Variants in KCNJ6 observed in about 807,000 individuals in gnomAD.
The protein encoded by KCNJ6 is G protein-activated inward rectifier potassium channel 2.
KCNJ6 carries 9 observed loss-of-function variants against 34.2 expected under a neutral mutation model. That is an observed-to-expected ratio of 0.26 (90% CI 0.16 to 0.46). The LOEUF (loss-of-function observed/expected upper bound fraction) is 0.46, where lower values mean the gene tolerates loss of function less well. Among genes scored for constraint, KCNJ6 ranks in the 20% least tolerant of loss-of-function variants. The pLI, the probability that KCNJ6 is intolerant of heterozygous loss-of-function variation, is 1.00. For synonymous variants in KCNJ6, 196 were observed against 207.1 expected (o/e 0.95, Z 0.46); for missense variants, 236 against 531.3 (o/e 0.44, Z 5.46).
chr21:37,817,285 C>G (rs2055351313), intron 2 of KCNJ6, among the ~76,000 whole-genome samples: 1 of 152,166 alleles, frequency 6.6e-6, no homozygotes, highest in African/African-American at 2.4e-5. Context: ...GCTGGGTGCT[C>G]TTGAACAAGT....
At chr21:37,699,890 A>G (rs79553825) in intron 3 of KCNJ6, among the ~76,000 whole-genome samples, 4,895 of 152,282 alleles carry the variant, frequency 0.032, 266 homozygotes, top group African/African-American at 0.11. Context: ...TAATTTTTAC[A>G]TTAAATGACA....
At chr21:37,636,680 T>A (rs890167205) in intron 3 of KCNJ6, among the ~76,000 whole-genome samples, 1 of 152,192 alleles carries the variant, frequency 6.6e-6, no homozygotes, top group Admixed American at 6.5e-5. Context: ...CTAAGGAATG[T>A]GCCATAGGCA....
intron 2 of KCNJ6, among the ~76,000 whole-genome samples, chr21:37,762,470 G>A (rs1039803778): frequency 3.3e-5 from 5 of 152,230 alleles, no homozygotes; most frequent in African/African-American, 9.6e-5. Context: ...TGGCTGGGCA[G>A]GAGCCACAGG....
chr21:37,901,528 G>T (rs74640316), intron 1 of KCNJ6, among the ~76,000 whole-genome samples: 1 of 152,282 alleles, frequency 6.6e-6, no homozygotes, highest in African/African-American at 2.4e-5. Context: ...TGACTTTACC[G>T]TAAAACTTTG....
At chr21:37,883,062 C>A (rs16995603) in intron 1 of KCNJ6, among the ~76,000 whole-genome samples, 5 of 152,102 alleles carry the variant, frequency 3.3e-5, no homozygotes, top group Admixed American at 3.3e-4. Flanking sequence ...GCTTTTACGC[C>A]GGTGCAGGCC....
intron 2 of KCNJ6, among the ~76,000 whole-genome samples, chr21:37,835,853 T>C (rs966097116): frequency 1.3e-5 from 2 of 152,150 alleles, no homozygotes; most frequent in Non-Finnish European, 2.9e-5. Context: ...GTGTGGGCTT[T>C]CTGGTTGCCT....
chr21:37,763,221 C>T lies in KCNJ6; in HGVS notation c.26-48090G>A, dbSNP rs899505713. 1.1e-4 allele frequency among the ~76,000 whole-genome samples: 17 copies of T among 152,302 alleles called. No homozygotes were observed. The South Asian group carries it at 2.1e-3, about 19-fold the overall frequency. Reference sequence around the variant, plus strand: ...CTGCAGCAGCTCCCACCTTGTCCCACGCTGGATGGCAGCCTGCTTGTAGGG... The same window carrying T: ...CTGCAGCAGCTCCCACCTTGTCCCATGCTGGATGGCAGCCTGCTTGTAGGG... On this transcript the variant is annotated intron_variant, in intron 2 of 3. Transcript: ENST00000609713.
At chr21:37,742,470 A>G (rs981013472) in intron 2 of KCNJ6, among the ~76,000 whole-genome samples, 6 of 151,856 alleles carry the variant, frequency 4.0e-5, no homozygotes, top group Non-Finnish European at 7.4e-5. Flanking sequence ...TAAAGATGGT[A>G]TATACTCATG....
intron 1 of KCNJ6, among the ~76,000 whole-genome samples, chr21:37,863,874 T>TTTTTTTTTTTTTTTC (rs1239573568): frequency 2.1e-5 from 3 of 145,552 alleles, no homozygotes; most frequent in Non-Finnish European, 4.5e-5. Flanking sequence ...TTTTTTTTTT[T>TTTTTTTTTTTTTTTC]TGGTGAAGAG....
intron 3 of KCNJ6, among the ~76,000 whole-genome samples, chr21:37,685,162 C>T (rs889328469): frequency 2.4e-4 from 36 of 151,840 alleles, no homozygotes; most frequent in Non-Finnish European, 4.6e-4. Context: ...TGAAAGATGC[C>T]CAACTACATG....
intron 3 of KCNJ6, among the ~76,000 whole-genome samples, chr21:37,692,071 G>T (rs2054642341): frequency 6.6e-6 from 1 of 152,120 alleles, no homozygotes; most frequent in Non-Finnish European, 1.5e-5. Context: ...TCCATGGATT[G>T]CATTAGGACA....
At chr21:37,824,712 C>T (rs994993185) in intron 2 of KCNJ6, among the ~76,000 whole-genome samples, 1 of 152,288 alleles carries the variant, frequency 6.6e-6, no homozygotes, top group African/African-American at 2.4e-5. Flanking sequence ...CCATGTAAGA[C>T]GTGCTTGCTT....
intron 2 of KCNJ6, among the ~76,000 whole-genome samples, chr21:37,730,394 A>ACTT (rs2054878203): frequency 6.6e-6 from 1 of 152,200 alleles, no homozygotes; most frequent in South Asian, 2.1e-4. Context: ...TGTTCAGGCC[A>ACTT]CTTCTGCCTC....
intron 3 of KCNJ6, among the ~76,000 whole-genome samples, chr21:37,671,647 CTTGTGGGGCTGAGCCCTCACCCTG>C (rs2054542755): frequency 6.6e-6 from 1 of 152,218 alleles, no homozygotes; most frequent in East Asian, 1.9e-4. Context: ...GTGGGGCAGG[CTTGTGGGGCTGAGCCCTCACCCTG>C]TGGGATCTGA....
intron 1 of KCNJ6, among the ~76,000 whole-genome samples, chr21:37,898,359 T>C (rs2055799578): frequency 6.6e-6 from 1 of 152,146 alleles, no homozygotes; most frequent in Non-Finnish European, 1.5e-5. Context: ...CCAAGGTGGC[T>C]AGATCACGAG....
chr21:37,877,732 G>A (rs888232435), intron 1 of KCNJ6, among the ~76,000 whole-genome samples: 2 of 152,182 alleles, frequency 1.3e-5, no homozygotes, highest in African/African-American at 4.8e-5. Flanking sequence ...GAGGACACTT[G>A]TCCCTCTCAC....
At chr21:37,747,713 C>A (rs1416010889) in intron 2 of KCNJ6, among the ~76,000 whole-genome samples, 1 of 151,822 alleles carries the variant, frequency 6.6e-6, no homozygotes, top group Non-Finnish European at 1.5e-5. Context: ...GAGGAGGGGG[C>A]CATGAGACAA....
intron 3 of KCNJ6, among the ~76,000 whole-genome samples, chr21:37,696,054 T>A (rs2054662124): frequency 6.6e-6 from 1 of 152,110 alleles, no homozygotes; most frequent in South Asian, 2.1e-4. Flanking sequence ...TATAGATAGA[T>A]CAATAGATAA....
chr21:37,886,656 C>G (rs2055736963), intron 1 of KCNJ6, among the ~76,000 whole-genome samples: 1 of 152,190 alleles, frequency 6.6e-6, no homozygotes, highest in Non-Finnish European at 1.5e-5. Flanking sequence ...CTGAAGGAAG[C>G]TGAAATTGAG....
Sources: allele counts gnomAD v4.1 joint callset (sites outside exome capture counted in the v4.1 genomes callset), GRCh38; gene constraint gnomAD v4.1.1; transcripts MANE v1.5; gene names NCBI Gene and HGNC (gene_info 2026-07-23, HGNC 2026-07-21).